Variants in PTPRN2 observed in about 807,000 individuals in gnomAD.
The protein encoded by PTPRN2 is protein tyrosine phosphatase receptor type N2, also known as receptor-type tyrosine-protein phosphatase N2.
In PTPRN2, 74 loss-of-function variants were observed where a neutral mutation model predicts 118.8. That is an observed-to-expected ratio of 0.62 (90% CI 0.52 to 0.76). PTPRN2 has a LOEUF of 0.76. Ranked by LOEUF, PTPRN2 falls within the 30% of genes least tolerant of loss-of-function variation. The pLI is 0.00. For missense variants in PTPRN2, 1,481 were observed against 1,394.4 expected, an observed-to-expected ratio of 1.06 and a Z score of -0.99; for synonymous variants, 641 against 608.0, an observed-to-expected ratio of 1.05 and a Z score of -0.80.
intron 10 of PTPRN2, among the ~76,000 whole-genome samples, chr7:158,095,040 G>A (rs1814522773): frequency 6.6e-6 from 1 of 152,116 alleles, no homozygotes; most frequent in Non-Finnish European, 1.5e-5. Flanking sequence ...GGGAGGAGCC[G>A]CTGGGTCCTG....
At position 157,663,267 on chromosome 7, in the gene PTPRN2, C is replaced by T. The variant is rs528614216; in HGVS notation, c.2002-6716G>A. On this transcript the variant is annotated intron_variant, in intron 13 of 22. Transcript: ENST00000389418. ...GAGCAAGGGCTGTGCGCGTGGAAAC[C>T]GTGATGACATCACACTGACAAGTTA... is the stretch of plus-strand genomic sequence containing the variant. Among the ~76,000 whole-genome samples, 14 of 152,260 alleles carry T rather than the reference C, an allele frequency of 9.2e-5. No homozygotes were observed. The South Asian group carries it at 2.7e-3, about 29-fold the overall frequency.
At chr7:158,055,619 A>T (rs949146641) in intron 11 of PTPRN2, among the ~76,000 whole-genome samples, 56 of 152,206 alleles carry the variant, frequency 3.7e-4, no homozygotes, top group African/African-American at 1.3e-3. Flanking sequence ...TTGTGAAAGT[A>T]CTAAAAGTCT....
At position 157,953,456 on chromosome 7, in the gene PTPRN2, C is replaced by T. The variant is rs1003900270; in HGVS notation, c.1724-54719G>A. On this transcript the variant is annotated intron_variant, in intron 11 of 22. Transcript: ENST00000389418. This position sits in a 1 kb window ranked among gnomAD's most constrained non-coding sequence, Gnocchi z 4.6. The stretch of plus-strand genomic sequence containing the variant: ...TGGAGAGTGTCCTCCCAGGATACAG[C>T]GGAGTGCCCGTCACCACCTGCCCAC... Among the ~76,000 whole-genome samples, 23 of 152,192 alleles carry T rather than the reference C, an allele frequency of 1.5e-4. No homozygotes were observed. In the East Asian group the frequency reaches 1.9e-3, roughly 13 times the overall value.
rs530107659 is a variant in PTPRN2 at position 158,159,206 on chromosome 7, T to C, written c.910+7725A>G. On this transcript the variant is annotated intron_variant, in intron 6 of 22. Transcript: ENST00000389418. ...ATTGGCCGGGACTTTGCAAGTGCTTTCTGAATGAATGAGTGAACTTGGGAA... is the reference window on the plus strand; with the variant it reads ...ATTGGCCGGGACTTTGCAAGTGCTTCCTGAATGAATGAGTGAACTTGGGAA... 3.3e-5 allele frequency among the ~76,000 whole-genome samples: 5 copies of C among 151,198 alleles called. 1 individual carries two copies. The highest frequency in any genetic ancestry group is 2.1e-4 in the South Asian group (1 of 4,684).
chr7:158,319,743 T>TCACA (rs1300310599), intron 2 of PTPRN2, among the ~76,000 whole-genome samples: 1 of 11,038 alleles, frequency 9.1e-5, no homozygotes, highest in Non-Finnish European at 1.5e-4. Context: ...ACAGTCTCCC[T>TCACA]CACACACACA....
intron 5 of PTPRN2, among the ~76,000 whole-genome samples, chr7:158,180,406 T>A (rs571622814): frequency 4.7e-4 from 71 of 152,376 alleles, no homozygotes; most frequent in African/African-American, 1.7e-3. Context: ...AGTCAGGTAA[T>A]GTGATGCCTC....
chr7:158,497,363 C>T (rs1822029248), intron 1 of PTPRN2, among the ~76,000 whole-genome samples: 1 of 150,552 alleles, frequency 6.6e-6, no homozygotes, highest in African/African-American at 2.5e-5. Context: ...CCTGCCGATC[C>T]AGAGTATGGA....
chr7:158,147,638 A>G (rs1161750225), intron 6 of PTPRN2, among the ~76,000 whole-genome samples: 2 of 20,808 alleles, frequency 9.6e-5, no homozygotes, highest in African/African-American at 2.1e-4. Flanking sequence ...TTCCCCCTCA[A>G]TGACACCCCA....
At chr7:158,365,115 A>G (rs1439353614) in intron 2 of PTPRN2, among the ~76,000 whole-genome samples, 1 of 152,242 alleles carries the variant, frequency 6.6e-6, no homozygotes, top group African/African-American at 2.4e-5. Context: ...CACTCTTCAG[A>G]CACAATCTGA....
intron 2 of PTPRN2, among the ~76,000 whole-genome samples, chr7:158,333,953 G>C (rs1192903861): frequency 0.074 from 1,358 of 18,244 alleles, 1 homozygote; most frequent in Non-Finnish European, 0.095. Context: ...CGCCCGCAGA[G>C]GTCACTCACA....
intron 12 of PTPRN2, chr7:157,857,426 C>G (rs1249330475): frequency 1.3e-5 from 2 of 152,346 alleles, no homozygotes; most frequent in South Asian, 4.1e-4. Flanking sequence ...CTGCGCTCCT[C>G]TCTCTCCGGA....
chr7:157,669,439 A>C (rs941663340), intron 13 of PTPRN2: 31 of 455,366 alleles, frequency 6.8e-5, no homozygotes, highest in South Asian at 2.2e-4. Flanking sequence ...ACACACACAC[A>C]CCCAGGGGAG....
chr7:157,711,914 G>C (rs1041467364), intron 12 of PTPRN2, among the ~76,000 whole-genome samples: 2 of 143,024 alleles, frequency 1.4e-5, no homozygotes, highest in Non-Finnish European at 3.1e-5. Flanking sequence ...CAGTGTCTGG[G>C]GGGCCATGCA....
chr7:157,637,197 T>G (rs918876434), intron 14 of PTPRN2, among the ~76,000 whole-genome samples: 3 of 152,212 alleles, frequency 2.0e-5, no homozygotes, highest in African/African-American at 7.2e-5. Context: ...AAAATTCCAT[T>G]AGTGTGCAAA....
chr7:158,399,513 A>T (rs1473001371), intron 2 of PTPRN2, among the ~76,000 whole-genome samples: 2 of 152,108 alleles, frequency 1.3e-5, no homozygotes, highest in East Asian at 3.9e-4. Flanking sequence ...AAAATTAGCC[A>T]GGCATGGTAG....
At chr7:157,927,635 C>A (rs1799104349) in intron 11 of PTPRN2, among the ~76,000 whole-genome samples, 1 of 152,102 alleles carries the variant, frequency 6.6e-6, no homozygotes, top group Non-Finnish European at 1.5e-5. Flanking sequence ...CAGGAAGCCC[C>A]AGGGACCCGT....
Position 157,937,123 on chromosome 7 carries a change from C to G in PTPRN2, c.1724-38386G>C, listed in dbSNP as rs191444074. Among the ~76,000 whole-genome samples the G allele has an allele frequency of 5.4e-3, 816 of 152,296 alleles. 8 individuals carry two copies. Among genetic ancestry groups the G allele is most frequent in the African/African-American group, 0.019 (769 of 41,558 alleles). On this transcript the variant is annotated intron_variant, in intron 11 of 22. Transcript: ENST00000389418. ...GGAAGCCCTCCGGACCCCTGAACAC[C>G]GTGGGTCTGACAATATCTTTATGCT...
At position 158,003,866 on chromosome 7, in the gene PTPRN2, T is replaced by A. The variant is rs1805462705; in HGVS notation, c.1723+77432A>T. 6.6e-6 allele frequency among the ~76,000 whole-genome samples: 1 copy of A among 152,198 alleles called. No homozygotes were observed. The highest frequency in any genetic ancestry group is 6.5e-5 in the Admixed American group (1 of 15,292). On this transcript the variant is annotated intron_variant, in intron 11 of 22. Coordinates refer to ENST00000389418, the MANE Select transcript of PTPRN2 (RefSeq NM_002847.5). This position sits in a 1 kb window ranked among gnomAD's most constrained non-coding sequence, Gnocchi z 5.0. The stretch of plus-strand genomic sequence containing the variant: ...TGTCTAATGACTCTGAGAGCATCTA[T>A]TAATTTCATCACTGTTGCCGACTTA...
intron 3 of PTPRN2, among the ~76,000 whole-genome samples, chr7:158,291,100 G>A (rs1800092811): frequency 6.6e-6 from 1 of 152,250 alleles, no homozygotes; most frequent in Non-Finnish European, 1.5e-5. Context: ...CTCATGGCAG[G>A]AGGAGTTTCC....
Sources: allele counts gnomAD v4.1 joint callset (sites outside exome capture counted in the v4.1 genomes callset), GRCh38; gene constraint gnomAD v4.1.1; non-coding constraint Gnocchi (gnomAD v3.1); transcripts MANE v1.5; gene names NCBI Gene and HGNC (gene_info 2026-07-23, HGNC 2026-07-21).